Variants in CDH8 observed in about 807,000 individuals in gnomAD.
CDH8 encodes cadherin-8.
Under a neutral mutation model 68.1 loss-of-function variants are expected in CDH8, and 17 were observed. The ratio of observed to expected loss-of-function variants is 0.25; its 90% CI spans 0.17 to 0.37. CDH8 has a LOEUF of 0.37. CDH8 is among the 10% of genes least tolerant of loss of function. The pLI, the probability that CDH8 is intolerant of heterozygous loss-of-function variation, is 1.00. For synonymous variants in CDH8, 372 were observed against 365.1 expected, an observed-to-expected ratio of 1.02 and a Z score of -0.21; for missense variants, 763 against 999.3, an observed-to-expected ratio of 0.76 and a Z score of 3.19.
chr16:61,912,805 T>C (rs1357513839), intron 2 of CDH8, among the ~76,000 whole-genome samples: 1 of 152,112 alleles, frequency 6.6e-6, no homozygotes, highest in African/African-American at 2.4e-5. Context: ...ACAGATAATA[T>C]ATACATGAAA....
intron 2 of CDH8, among the ~76,000 whole-genome samples, chr16:62,018,037 T>C (rs1901984151): frequency 1.3e-5 from 2 of 152,206 alleles, no homozygotes; most frequent in Admixed American, 1.3e-4. Flanking sequence ...CTACAATTAC[T>C]ATATAGCAGG....
intron 1 of CDH8, among the ~76,000 whole-genome samples, chr16:62,024,548 G>T (rs1251577484): frequency 6.6e-6 from 1 of 152,178 alleles, no homozygotes; most frequent in African/African-American, 2.4e-5. Context: ...CTGCAGCATT[G>T]ATTGCAGTGA....
chr16:61,925,515 T>G (rs1448803779), intron 2 of CDH8, among the ~76,000 whole-genome samples: 1 of 152,214 alleles, frequency 6.6e-6, no homozygotes, highest in East Asian at 1.9e-4. Flanking sequence ...GAGATGTGAC[T>G]TTGATGACTT....
At chr16:61,980,335 C>G (rs1205864864) in intron 2 of CDH8, among the ~76,000 whole-genome samples, 1 of 152,152 alleles carries the variant, frequency 6.6e-6, no homozygotes, top group African/African-American at 2.4e-5. Flanking sequence ...AAGAACACAG[C>G]CCTATTGACG....
intron 2 of CDH8, among the ~76,000 whole-genome samples, chr16:61,950,316 A>ATTTTT (rs1964872860): frequency 6.6e-6 from 1 of 152,212 alleles, no homozygotes; most frequent in Non-Finnish European, 1.5e-5. Context: ...TTTAGCTGAG[A>ATTTTT]AGCAGCTCTT....
At position 61,647,799 on chromosome 16, in the gene CDH8, C is replaced by A. The variant is rs1246841467; in HGVS notation, c.*5809G>T. 1 of 699,596 alleles carries A rather than the reference C, an allele frequency of 1.4e-6. No homozygotes were observed. Among genetic ancestry groups the A allele is most frequent in the Non-Finnish European group, 2.6e-6 (1 of 382,820 alleles). The allele number at this position is 699,596 out of a possible 1,614,324, so 43.3% of individuals were successfully genotyped here. A position where few individuals can be genotyped will look rare whatever the true frequency, so the allele number is the denominator to read the frequency against. ...CTCTCATTTCCTTTTCTGGTCCTGA[C>A]CTCTGAGTTCATTGAAGCCATGGTT... is the stretch of plus-strand genomic sequence containing the variant. On this transcript the variant is annotated 3_prime_UTR_variant, in exon 12 of 12. Transcript: ENST00000577390.
chr16:61,869,952 C>T (rs1963325902), intron 3 of CDH8, among the ~76,000 whole-genome samples: 1 of 152,216 alleles, frequency 6.6e-6, no homozygotes, highest in Admixed American at 6.5e-5. Context: ...ACAGCTGTGC[C>T]TTTCCAACTA....
chr16:61,848,662 C>T (rs1962871844), intron 4 of CDH8, among the ~76,000 whole-genome samples: 1 of 152,008 alleles, frequency 6.6e-6, no homozygotes. Context: ...TGAAATGAGC[C>T]ATAAAAACTG....
chr16:61,671,463 TAA>T (rs35642686), intron 10 of CDH8, among the ~76,000 whole-genome samples: 8 of 129,580 alleles, frequency 6.2e-5, no homozygotes, highest in Non-Finnish European at 1.0e-4. Flanking sequence ...AAATAGCTGC[TAA>T]AAAAAAAAAA....
At chr16:61,848,809 G>A (rs905046552) in intron 4 of CDH8, among the ~76,000 whole-genome samples, 2 of 152,024 alleles carry the variant, frequency 1.3e-5, no homozygotes, top group African/African-American at 4.8e-5. Context: ...GAGATGTAAA[G>A]TTAGGTACAA....
chr16:61,678,714 T>G (rs778857480), intron 10 of CDH8, among the ~76,000 whole-genome samples: 5 of 152,060 alleles, frequency 3.3e-5, no homozygotes, highest in Non-Finnish European at 5.9e-5. Flanking sequence ...AGCATGATAC[T>G]GGCACATGTT....
At chr16:61,966,248 A>C (rs1965250080) in intron 2 of CDH8, among the ~76,000 whole-genome samples, 1 of 152,200 alleles carries the variant, frequency 6.6e-6, no homozygotes, top group Non-Finnish European at 1.5e-5. Flanking sequence ...TCAATAAAAA[A>C]TAGAATGTGG....
At chr16:61,996,540 G>A (rs1357288447) in intron 2 of CDH8, among the ~76,000 whole-genome samples, 1 of 151,928 alleles carries the variant, frequency 6.6e-6, no homozygotes, top group African/African-American at 2.4e-5. Context: ...ATAAAGCTAC[G>A]GCAGCTTTCA....
At chr16:61,666,318 T>C (rs553964287) in intron 10 of CDH8, among the ~76,000 whole-genome samples, 28 of 152,178 alleles carry the variant, frequency 1.8e-4, no homozygotes, top group Non-Finnish European at 3.5e-4. Flanking sequence ...ATTCTCTTTG[T>C]ATGTTTAATA....
intron 2 of CDH8, among the ~76,000 whole-genome samples, chr16:61,956,620 T>C (rs1964993412): frequency 6.6e-6 from 1 of 152,212 alleles, no homozygotes; most frequent in African/African-American, 2.4e-5. Flanking sequence ...GAACAGTATT[T>C]TTATGATGCT....
intron 10 of CDH8, among the ~76,000 whole-genome samples, chr16:61,698,757 A>C (rs16963861): frequency 0.11 from 17,491 of 152,128 alleles, 1,005 homozygotes; most frequent in Non-Finnish European, 0.12. Flanking sequence ...AGTTACACTG[A>C]ATCTCCTCCA....
At chr16:61,827,431 C>G (rs923501118) in intron 4 of CDH8, among the ~76,000 whole-genome samples, 2 of 151,620 alleles carry the variant, frequency 1.3e-5, no homozygotes, top group Admixed American at 6.6e-5. Flanking sequence ...AGGTTACTTG[C>G]GTGAAAGAAC....
chr16:61,654,080 G>T lies in CDH8; in HGVS notation c.1928C>A (p.Thr643Asn). 1.2e-6 allele frequency: 2 copies of T among 1,613,358 alleles called. No homozygotes were observed. The highest frequency in any genetic ancestry group is 1.7e-6 in the Non-Finnish European group (2 of 1,179,704). Reference protein sequence around the residue: ...LLLVIVVLFVTLRRHKNEPLI... With the variant: ...LLLVIVVLFVNLRRHKNEPLI... ...TGGTTCATTTTTATGCCGCCGTAGAGTTACAAACAGCACCACGATGACTAG... is the reference window on the plus strand; with the variant it reads ...TGGTTCATTTTTATGCCGCCGTAGATTTACAAACAGCACCACGATGACTAG... Residue 643 changes from threonine to asparagine, a missense_variant, in exon 12 of 12, where the codon ACT becomes AAT. Around this residue, in one of 2 missense-constraint regions of CDH8, gnomAD observed 397 missense variants for 436.2 expected, o/e 0.91. Coordinates refer to ENST00000577390, the MANE Select transcript of CDH8 (RefSeq NM_001796.5).
intron 10 of CDH8, among the ~76,000 whole-genome samples, chr16:61,689,707 T>A (rs1356871211): frequency 6.6e-6 from 1 of 152,056 alleles, no homozygotes; most frequent in Non-Finnish European, 1.5e-5. Flanking sequence ...GATTGCAGAA[T>A]CTTTATTTTT....
Sources: allele counts gnomAD v4.1 joint callset (sites outside exome capture counted in the v4.1 genomes callset), GRCh38; gene constraint gnomAD v4.1.1; regional missense constraint gnomAD v4.1.1; transcripts MANE v1.5; gene names NCBI Gene and HGNC (gene_info 2026-07-23, HGNC 2026-07-21).